Variants in RBMS1 observed in about 807,000 individuals in gnomAD.
RBMS1 encodes the protein RNA binding motif single stranded interacting protein 1.
RBMS1 carries 17 observed loss-of-function variants against 62.3 expected under a neutral mutation model. The ratio of observed to expected loss-of-function variants is 0.27; its 90% CI spans 0.19 to 0.41. The LOEUF (loss-of-function observed/expected upper bound fraction) is 0.41, where lower values mean the gene tolerates loss of function less well. Ranked by LOEUF, RBMS1 falls within the 10% of genes least tolerant of loss-of-function variation. The pLI, the probability that RBMS1 is intolerant of heterozygous loss-of-function variation, is 1.00. For synonymous variants in RBMS1, 172 were observed against 170.0 expected, an observed-to-expected ratio of 1.01 and a Z score of -0.09; for missense variants, 334 against 504.5, an observed-to-expected ratio of 0.66 and a Z score of 3.24.
chr2:160,458,796 C>CAA lies in RBMS1; in HGVS notation c.75+34491_75+34492dup, dbSNP rs72225066. Reference sequence around the variant, plus strand: ...TGGGTAACAGGAACAAACTCTGTCTCAAAAAAAAAAAAAAAATCTCCAAAG... The same window carrying CAA: ...TGGGTAACAGGAACAAACTCTGTCTCAAAAAAAAAAAAAAAAAATCTCCAAAG... On this transcript the variant is annotated intron_variant, in intron 1 of 13. Transcript: ENST00000348849. 4.3e-3 allele frequency among the ~76,000 whole-genome samples: 538 copies of CAA among 126,224 alleles called. 5 individuals are homozygous for CAA. Among genetic ancestry groups the CAA allele is most frequent in the Middle Eastern group, 0.017 (4 of 230 alleles). The allele number at this position is 126,224 out of a possible 152,430, so 82.8% of individuals were successfully genotyped here.
At chr2:160,358,312 C>CA (rs1692919644) in intron 2 of RBMS1, among the ~76,000 whole-genome samples, 1 of 152,128 alleles carries the variant, frequency 6.6e-6, no homozygotes, top group African/African-American at 2.4e-5. Context: ...AGTGACTCAA[C>CA]ATTTTGACTT....
At chr2:160,384,844 T>C (rs1346925232) in intron 1 of RBMS1, among the ~76,000 whole-genome samples, 1 of 152,164 alleles carries the variant, frequency 6.6e-6, no homozygotes, top group African/African-American at 2.4e-5. Context: ...CACACTGAAA[T>C]GTGATCCCCA....
chr2:160,339,637 T>C (rs1691759741), intron 2 of RBMS1, among the ~76,000 whole-genome samples: 3 of 152,146 alleles, frequency 2.0e-5, no homozygotes, highest in Non-Finnish European at 4.4e-5. Flanking sequence ...AAAATGAATA[T>C]AGTCTATATC....
At chr2:160,436,507 A>T (rs936697354) in intron 1 of RBMS1, among the ~76,000 whole-genome samples, 4 of 152,262 alleles carry the variant, frequency 2.6e-5, no homozygotes, top group African/African-American at 9.6e-5. Context: ...CCTGAGCCAC[A>T]GAATCATGAG....
At chr2:160,408,691 A>G (rs1033041688) in intron 1 of RBMS1, 6 of 152,074 alleles carry the variant, frequency 3.9e-5, no homozygotes, top group African/African-American at 1.4e-4. Flanking sequence ...GGGAGGAGGG[A>G]CTTCCCTTTG....
intron 1 of RBMS1, among the ~76,000 whole-genome samples, chr2:160,392,720 T>C (rs927977300): frequency 2.6e-5 from 4 of 152,130 alleles, no homozygotes; most frequent in African/African-American, 9.7e-5. Context: ...AGTGAGATCT[T>C]ATCTCTACAA....
chr2:160,315,969 G>A (rs926238373), intron 3 of RBMS1, among the ~76,000 whole-genome samples: 1 of 152,070 alleles, frequency 6.6e-6, no homozygotes, highest in Non-Finnish European at 1.5e-5. Context: ...AACCCTCTAA[G>A]ATCTCTCATT....
chr2:160,411,375 C>T (rs1696027579), intron 1 of RBMS1, among the ~76,000 whole-genome samples: 1 of 152,138 alleles, frequency 6.6e-6, no homozygotes, highest in South Asian at 2.1e-4. Context: ...TATGAGTAAA[C>T]AGGAAGCTTA....
chr2:160,441,847 T>A lies in RBMS1; in HGVS notation c.75+51442A>T, dbSNP rs551192097. Among the ~76,000 whole-genome samples, 6 of 152,360 alleles carry A rather than the reference T, an allele frequency of 3.9e-5. No homozygotes were observed. The South Asian group carries it at 1.2e-3, about 32-fold the overall frequency. On this transcript the variant is annotated intron_variant, in intron 1 of 13. Transcript: ENST00000348849. ...GGTGTTGGCCGTCTTTTTTATGTTA[T>A]CTATTCTAGTGAATGTGAAATGGCC...
chr2:160,417,513 C>T (rs1234848042), intron 1 of RBMS1, among the ~76,000 whole-genome samples: 1 of 152,208 alleles, frequency 6.6e-6, no homozygotes, highest in Non-Finnish European at 1.5e-5. Flanking sequence ...CTCTCTGTAT[C>T]AGTGTCCTAT....
At chr2:160,369,626 C>T (rs914442807) in intron 1 of RBMS1, among the ~76,000 whole-genome samples, 5 of 152,298 alleles carry the variant, frequency 3.3e-5, no homozygotes, top group East Asian at 1.9e-4. Flanking sequence ...GTATGTTTAG[C>T]GTAGCTGTTG....
At chr2:160,395,458 A>T (rs898943340) in intron 1 of RBMS1, among the ~76,000 whole-genome samples, 1 of 152,088 alleles carries the variant, frequency 6.6e-6, no homozygotes. Flanking sequence ...CCCCGTCTCT[A>T]CTAAAAATAC....
intron 1 of RBMS1, among the ~76,000 whole-genome samples, chr2:160,412,468 C>A (rs1246984154): frequency 6.6e-6 from 1 of 152,128 alleles, no homozygotes; most frequent in Non-Finnish European, 1.5e-5. Flanking sequence ...AAATCTAGAC[C>A]TGGCTAGGGT....
chr2:160,336,046 T>C (rs945297178), intron 2 of RBMS1, among the ~76,000 whole-genome samples: 1 of 152,128 alleles, frequency 6.6e-6, no homozygotes, highest in Admixed American at 6.5e-5. Flanking sequence ...GGGTGTGAAA[T>C]TTAGGTGTGT....
At chr2:160,470,892 G>A (rs1246147406) in intron 1 of RBMS1, among the ~76,000 whole-genome samples, 3 of 152,086 alleles carry the variant, frequency 2.0e-5, no homozygotes, top group Non-Finnish European at 4.4e-5. Context: ...TTCCAAGAAT[G>A]GTCTCTCTCG....
chr2:160,461,776 C>A (rs183071604), intron 1 of RBMS1, among the ~76,000 whole-genome samples: 23 of 152,328 alleles, frequency 1.5e-4, no homozygotes, highest in African/African-American at 4.3e-4. Flanking sequence ...AAATTCTTCA[C>A]AAATACACAT....
At chr2:160,276,743 T>A (rs1410632044) in intron 12 of RBMS1, 1 of 152,248 alleles carries the variant, frequency 6.6e-6, no homozygotes, top group Admixed American at 6.5e-5. Flanking sequence ...TGATTTCTTT[T>A]CGTCATTATT....
chr2:160,296,417 C>A (rs1158194790), intron 6 of RBMS1, among the ~76,000 whole-genome samples: 2 of 152,114 alleles, frequency 1.3e-5, no homozygotes, highest in Admixed American at 1.3e-4. Context: ...ACTGCACATA[C>A]AAATTAGTTT....
At chr2:160,373,535 C>T (rs1333254140) in intron 1 of RBMS1, among the ~76,000 whole-genome samples, 1 of 152,140 alleles carries the variant, frequency 6.6e-6, no homozygotes, top group East Asian at 1.9e-4. Flanking sequence ...TCCAGCGACT[C>T]GCCAAGTTGC....
Sources: gnomAD v4.1 joint callset for allele counts (sites outside exome capture counted in the v4.1 genomes callset) on GRCh38, gnomAD v4.1.1 for gene constraint, MANE v1.5 for transcripts, NCBI Gene and HGNC (gene_info 2026-07-23, HGNC 2026-07-21) for gene names.